ADAM18: variants seen among roughly 807,000 people sequenced by gnomAD.
ADAM18 encodes ADAM metallopeptidase domain 18.
ADAM18 carries 117 observed loss-of-function variants against 94.4 expected under a neutral mutation model. That is an observed-to-expected ratio of 1.24 (90% CI 1.07 to 1.45). The LOEUF (loss-of-function observed/expected upper bound fraction) is 1.45. ADAM18 is among the 40% of genes most tolerant of loss of function. The pLI, the probability that ADAM18 is intolerant of heterozygous loss-of-function variation, is 0.00. For missense variants in ADAM18, 936 were observed against 880.0 expected (o/e 1.06, Z -0.81); for synonymous variants, 327 against 291.6 (o/e 1.12, Z -1.24).
At position 39,709,039 on chromosome 8, in the gene ADAM18, C is replaced by T. The variant is rs66945537; in HGVS notation, c.2017+2135C>T. Among the ~76,000 whole-genome samples, 643 of 152,320 alleles carry T rather than the reference C, an allele frequency of 4.2e-3. 2 individuals carry two copies. Among genetic ancestry groups the T allele is most frequent in the Middle Eastern group, 0.017 (5 of 294 alleles). ...TTTCATGTGAGGTGGTAGCTCTCTG[C>T]CAGCAAGGGCAAAGAGCCAGTGTGA... On this transcript the variant is annotated intron_variant, in intron 18 of 19. Coordinates refer to ENST00000265707, the MANE Select transcript of ADAM18 (RefSeq NM_014237.3).
rs779821434 is a variant in ADAM18 at position 39,686,692 on chromosome 8, AT to A, written c.1822-5905del. 2.6e-5 allele frequency among the ~76,000 whole-genome samples: 4 copies of A among 152,306 alleles called. No individual in the cohort carries two copies. The East Asian group carries it at 7.7e-4, about 29-fold the overall frequency. ...TCTCTTTTGTTCTTAAATGATTACA[AT>A]TTCTGACATACGAAAAACAACATTA... On this transcript the variant is annotated intron_variant, in intron 16 of 19. Coordinates refer to ENST00000265707, the MANE Select transcript of ADAM18 (RefSeq NM_014237.3).
At chr8:39,606,395 G>A in intron 3 of ADAM18, 33 bp downstream of exon 3, 4 of 1,400,452 alleles carry the variant, frequency 2.9e-6, no homozygotes, top group Non-Finnish European at 3.9e-6. Flanking sequence ...TTAAGGAAAA[G>A]GGAAAGCTTT....
At chr8:39,646,767 C>A (rs1209633920) in intron 11 of ADAM18, among the ~76,000 whole-genome samples, 1 of 152,100 alleles carries the variant, frequency 6.6e-6, no homozygotes, top group Non-Finnish European at 1.5e-5. Flanking sequence ...AAATAAAGAT[C>A]TCCCCGGGAC....
chr8:39,668,234 T>C lies in ADAM18; in HGVS notation c.1525+38T>C, dbSNP rs1384827800. 3 of 1,588,942 alleles carry C rather than the reference T, an allele frequency of 1.9e-6. No individual in the cohort carries two copies. In the African/African-American group the frequency reaches 4.0e-5, roughly 21 times the overall value. On this transcript the variant is annotated intron_variant, in intron 14 of 19. Transcript: ENST00000265707. ...CTTTCGTATTTATTTTACCTTACAT[T>C]TGCATCTCTCTGTAGAGTACATTAT...
At chr8:39,620,357 C>CAAAAAAAAAAAAAAAAAAAA (rs61555393) in intron 6 of ADAM18, among the ~76,000 whole-genome samples, 9 of 90,560 alleles carry the variant, frequency 9.9e-5, no homozygotes, top group Non-Finnish European at 1.7e-4. Flanking sequence ...GCAACAAAAG[C>CAAAAAAAAAAAAAAAAAAAA]AAAAAAAAAA....
intron 18 of ADAM18, among the ~76,000 whole-genome samples, chr8:39,718,605 A>G (rs1288194993): frequency 1.3e-5 from 2 of 151,502 alleles, no homozygotes; most frequent in Non-Finnish European, 3.0e-5. Context: ...TCAGTGAAGC[A>G]AGATGAGTAA....
intron 10 of ADAM18, among the ~76,000 whole-genome samples, chr8:39,642,233 T>G (rs1465803090): frequency 2.0e-5 from 3 of 152,128 alleles, no homozygotes; most frequent in Non-Finnish European, 4.4e-5. Flanking sequence ...ATTGAGAGTT[T>G]CCTATGCTGT....
chr8:39,635,261 G>A (rs1466997177), intron 7 of ADAM18, among the ~76,000 whole-genome samples: 1 of 152,070 alleles, frequency 6.6e-6, no homozygotes, highest in East Asian at 1.9e-4. Flanking sequence ...TAAGGCATAG[G>A]TTTTCAAGTA....
intron 17 of ADAM18, among the ~76,000 whole-genome samples, chr8:39,695,717 G>T (rs1478463156): frequency 6.6e-6 from 1 of 151,068 alleles, no homozygotes; most frequent in African/African-American, 2.4e-5. Context: ...ATTTCACTTA[G>T]CATGATATTT....
At chr8:39,660,502 A>G (rs1261973267) in intron 12 of ADAM18, among the ~76,000 whole-genome samples, 4 of 152,186 alleles carry the variant, frequency 2.6e-5, no homozygotes, top group Non-Finnish European at 5.9e-5. Context: ...CACAAGAAAC[A>G]ACAAAATACT....
chr8:39,713,617 A>G (rs1315573072), intron 18 of ADAM18, among the ~76,000 whole-genome samples: 1 of 152,216 alleles, frequency 6.6e-6, no homozygotes, highest in Non-Finnish European at 1.5e-5. Context: ...AACCCCATCA[A>G]AAAGTGGGCA....
intron 12 of ADAM18, 27 bp from the exon 13 acceptor site, chr8:39,663,768 A>AT (rs758707027): frequency 6.7e-7 from 1 of 1,486,166 alleles, no homozygotes; most frequent in East Asian, 2.3e-5. Flanking sequence ...TTAAACTGTA[A>AT]TAATATTTCT....
chr8:39,727,268 A>T (rs1426388752), intron 19 of ADAM18, among the ~76,000 whole-genome samples: 1 of 152,190 alleles, frequency 6.6e-6, no homozygotes, highest in Non-Finnish European at 1.5e-5. Context: ...TAATATCTCT[A>T]GCAAGTGGTT....
At chr8:39,643,683 G>GCTGGCAAT (rs1182418607) in intron 10 of ADAM18, among the ~76,000 whole-genome samples, 2 of 151,976 alleles carry the variant, frequency 1.3e-5, no homozygotes, top group African/African-American at 2.4e-5. Context: ...CTGGTGGTTT[G>GCTGGCAAT]CTGGCAATCT....
chr8:39,692,647 C>T lies in ADAM18; in HGVS notation c.1869C>T (p.Asn623=), dbSNP rs773808668. 4 of 1,606,978 alleles carry T rather than the reference C, an allele frequency of 2.5e-6. No homozygotes were observed. Among genetic ancestry groups the T allele is most frequent in the Non-Finnish European group, 3.4e-6 (4 of 1,175,916 alleles). The change falls in exon 17 of 20, where the codon AAC becomes AAT. Residue 623 remains asparagine (N), a synonymous_variant. Coordinates refer to ENST00000265707, the MANE Select transcript of ADAM18 (RefSeq NM_014237.3). ...TCRKVHLMGY[N]CNATTKCKGK... Reference sequence around the variant, plus strand: ...GAAAAGTTCATTTAATGGGATATAACTGTAATGCCACCACAAAATGCAAAG... The same window carrying T: ...GAAAAGTTCATTTAATGGGATATAATTGTAATGCCACCACAAAATGCAAAG...
intron 18 of ADAM18, among the ~76,000 whole-genome samples, chr8:39,713,819 A>C (rs531624683): frequency 6.7e-4 from 102 of 152,260 alleles, no homozygotes; most frequent in African/African-American, 2.4e-3. Flanking sequence ...GTGGAGAAAT[A>C]GAACGCTTTT....
intron 14 of ADAM18, among the ~76,000 whole-genome samples, chr8:39,668,790 A>C (rs911704414): frequency 1.6e-4 from 25 of 152,244 alleles, no homozygotes; most frequent in African/African-American, 5.8e-4. Context: ...ATAGAAACAG[A>C]TCAAAATTAC....
chr8:39,694,673 A>G lies in ADAM18; in HGVS notation c.1902+1993A>G, dbSNP rs568199154. Among the ~76,000 whole-genome samples, 76 of 151,558 alleles carry G rather than the reference A, an allele frequency of 5.0e-4. 2 individuals carry two copies. The South Asian group carries it at 6.0e-3, about 12-fold the overall frequency. On this transcript the variant is annotated intron_variant, in intron 17 of 19. Transcript: ENST00000265707. The stretch of plus-strand genomic sequence containing the variant: ...AGCACCAAGTACAGTGGACTACAAT[A>G]TATCTGCTCCCTCTCCCTCTCTGCT...
At chr8:39,585,924 A>G (rs1177735484) in intron 2 of ADAM18, among the ~76,000 whole-genome samples, 1 of 152,224 alleles carries the variant, frequency 6.6e-6, no homozygotes, top group East Asian at 1.9e-4. Flanking sequence ...GAAGGCATTC[A>G]GTCTTGCATG....
Sources: allele counts gnomAD v4.1 joint callset (sites outside exome capture counted in the v4.1 genomes callset), GRCh38; gene constraint gnomAD v4.1.1; transcripts MANE v1.5; gene names NCBI Gene and HGNC (gene_info 2026-07-23, HGNC 2026-07-21).